The following RAB38 variants were observed in gnomAD, a reference collection of about 807,000 sequenced individuals.
RAB38 encodes the protein RAB38, member RAS oncogene family.
RAB38 carries 15 observed loss-of-function variants against 18.4 expected under a neutral mutation model. The observed-to-expected ratio is 0.82, with a 90% CI of 0.55 to 1.26. The LOEUF (loss-of-function observed/expected upper bound fraction) is 1.26, where lower values mean the gene tolerates loss of function less well. Ranked by LOEUF, RAB38 falls within the 50% of genes most tolerant of loss-of-function variation. The pLI is 0.00. For missense variants in RAB38, 294 were observed against 267.4 expected (o/e 1.10, Z -0.69); for synonymous variants, 101 against 104.4 (o/e 0.97, Z 0.20).
chr11:87,975,172 T>C, the RAB38 span, among the ~76,000 whole-genome samples: 2 of 152,026 alleles, frequency 1.3e-5, no homozygotes, highest in African/African-American at 2.4e-5. Flanking sequence ...AAGTCAGTCA[T>C]AGGATTTGGG....
the RAB38 span, among the ~76,000 whole-genome samples, chr11:88,052,933 T>TATC: frequency 7.4e-5 from 2 of 26,854 alleles, no homozygotes; most frequent in Non-Finnish European, 1.3e-4. Flanking sequence ...TATATATATA[T>TATC]ATATATATAT....
the RAB38 span, among the ~76,000 whole-genome samples, chr11:87,857,229 C>A: frequency 6.6e-6 from 1 of 152,128 alleles, no homozygotes; most frequent in African/African-American, 2.4e-5. Flanking sequence ...TTCTGTGATG[C>A]ATATATGCCA....
At chr11:87,906,675 C>T in the RAB38 span, among the ~76,000 whole-genome samples, 1 of 152,052 alleles carries the variant, frequency 6.6e-6, no homozygotes, top group South Asian at 2.1e-4. Flanking sequence ...CACCTCAGAA[C>T]TAGAATCTTA....
intron 1 of RAB38, among the ~76,000 whole-genome samples, chr11:88,158,486 G>A (rs1010711659): frequency 6.6e-6 from 1 of 151,966 alleles, no homozygotes; most frequent in Non-Finnish European, 1.5e-5. Context: ...GAAAACTACA[G>A]GCCAATATTC....
chr11:87,937,441 G>T, the RAB38 span, among the ~76,000 whole-genome samples: 1 of 148,790 alleles, frequency 6.7e-6, no homozygotes, highest in Non-Finnish European at 1.5e-5. Flanking sequence ...TTTTTATATT[G>T]GAGCATTATC....
the RAB38 span, among the ~76,000 whole-genome samples, chr11:88,044,761 G>A: frequency 6.6e-6 from 1 of 151,912 alleles, no homozygotes; most frequent in East Asian, 1.9e-4. Context: ...CCAACCCCAA[G>A]TGTGGCTGAG....
At chr11:87,877,694 C>T in the RAB38 span, among the ~76,000 whole-genome samples, 1 of 151,592 alleles carries the variant, frequency 6.6e-6, no homozygotes, top group Non-Finnish European at 1.5e-5. Context: ...AGGTATAACA[C>T]TAGCCCTCCT....
At chr11:87,923,935 A>C in the RAB38 span, among the ~76,000 whole-genome samples, 1 of 149,262 alleles carries the variant, frequency 6.7e-6, no homozygotes, top group African/African-American at 2.5e-5. Context: ...AAGGTCAGAG[A>C]GTGACTGAAG....
At chr11:88,162,543 C>A (rs1943198389) in intron 1 of RAB38, among the ~76,000 whole-genome samples, 1 of 152,050 alleles carries the variant, frequency 6.6e-6, no homozygotes, top group African/African-American at 2.4e-5. Context: ...CTTTCCACTC[C>A]CACTAAAATC....
the RAB38 span, among the ~76,000 whole-genome samples, chr11:87,939,228 C>G: frequency 6.6e-6 from 1 of 152,050 alleles, no homozygotes; most frequent in African/African-American, 2.4e-5. Context: ...TCATTGGTGT[C>G]TCTTCAATTA....
At chr11:87,838,222 C>G in the RAB38 span, among the ~76,000 whole-genome samples, 1 of 151,986 alleles carries the variant, frequency 6.6e-6, no homozygotes, top group East Asian at 1.9e-4. Context: ...TCATGCCATT[C>G]TCCTGCCTCA....
chr11:88,144,631 A>G (rs142191913), intron 2 of RAB38, among the ~76,000 whole-genome samples: 15 of 152,336 alleles, frequency 9.8e-5, no homozygotes, highest in African/African-American at 3.6e-4. Flanking sequence ...AGCTTCAAAG[A>G]AGAGGCAAAA....
the RAB38 span, among the ~76,000 whole-genome samples, chr11:88,045,908 C>A: frequency 2.6e-5 from 4 of 152,140 alleles, no homozygotes; most frequent in Non-Finnish European, 4.4e-5. Context: ...TTTAAGCACT[C>A]CTTTTAGTTA....
intron 2 of RAB38, among the ~76,000 whole-genome samples, chr11:88,126,404 C>T (rs915038656): frequency 2.0e-5 from 3 of 152,122 alleles, no homozygotes; most frequent in Non-Finnish European, 4.4e-5. Flanking sequence ...TTTGTAGGGA[C>T]GTGGATGAAG....
the RAB38 span, among the ~76,000 whole-genome samples, chr11:87,970,961 G>C: frequency 6.6e-6 from 1 of 152,038 alleles, no homozygotes; most frequent in East Asian, 1.9e-4. Flanking sequence ...TGTCACTCTA[G>C]AGCTCTGGGA....
chr11:87,833,461 G>A, the RAB38 span, among the ~76,000 whole-genome samples: 2 of 152,014 alleles, frequency 1.3e-5, no homozygotes, highest in Admixed American at 6.6e-5. Context: ...TCTTTCTGTT[G>A]ACATCTCATT....
At chr11:87,940,307 A>G in the RAB38 span, among the ~76,000 whole-genome samples, 7 of 152,216 alleles carry the variant, frequency 4.6e-5, no homozygotes, top group African/African-American at 1.7e-4. Flanking sequence ...TTTACCTTAT[A>G]TGAAGAATGA....
chr11:88,061,624 A>T, the RAB38 span: 15 of 152,200 alleles, frequency 9.9e-5, no homozygotes, highest in African/African-American at 3.4e-4. Flanking sequence ...ATTTTTTTTA[A>T]TAACCTTTAT....
the RAB38 span, among the ~76,000 whole-genome samples, chr11:87,916,001 T>A: frequency 2.0e-5 from 3 of 152,148 alleles, no homozygotes; most frequent in Non-Finnish European, 4.4e-5. Flanking sequence ...GGATGACTTT[T>A]CCCTTTTGGA....
Sources: gnomAD v4.1 joint callset for allele counts (sites outside exome capture counted in the v4.1 genomes callset) on GRCh38, gnomAD v4.1.1 for gene constraint, MANE v1.5 for transcripts, NCBI Gene and HGNC (gene_info 2026-07-23, HGNC 2026-07-21) for gene names.